Variants in ADAM22 observed in about 807,000 individuals in gnomAD.
ADAM22 encodes the protein disintegrin and metalloproteinase domain-containing protein 22.
A neutral mutation model predicts 144.6 loss-of-function variants in ADAM22; 65 were observed. The observed-to-expected ratio is 0.45, with a 90% CI of 0.37 to 0.55. The LOEUF is 0.55. Ranked by LOEUF, ADAM22 falls within the 20% of genes least tolerant of loss-of-function variation. The probability of loss-of-function intolerance (pLI) is 0.00; values close to 1 mark genes in which losing one functional copy is unlikely to be tolerated. For synonymous variants in ADAM22, 391 were observed against 412.6 expected (o/e 0.95, Z 0.63); for missense variants, 974 against 1,184.9 (o/e 0.82, Z 2.61).
chr7:87,965,682 A>G (rs559184077), intron 2 of ADAM22, among the ~76,000 whole-genome samples: 1 of 152,326 alleles, frequency 6.6e-6, no homozygotes, highest in Admixed American at 6.5e-5. Context: ...TAATGTCTAT[A>G]TAAGCAAATA....
chr7:88,150,896 T>G, intron 18 of ADAM22, 85 bp from the exon 19 acceptor site: 1 of 1,187,130 alleles, frequency 8.4e-7, no homozygotes, highest in South Asian at 1.3e-5. Context: ...AACAAATATG[T>G]TTTTAAAAGT....
chr7:88,111,482 C>G (rs1430985226), intron 5 of ADAM22, among the ~76,000 whole-genome samples: 6 of 151,832 alleles, frequency 4.0e-5, no homozygotes. Context: ...TGTTTGGAGT[C>G]AAAGGACTAA....
At chr7:88,118,645 A>G (rs1828434222) in intron 7 of ADAM22, among the ~76,000 whole-genome samples, 1 of 146,956 alleles carries the variant, frequency 6.8e-6, no homozygotes, top group African/African-American at 2.6e-5. Context: ...TTATATATCT[A>G]TCTATCTATC....
intron 3 of ADAM22, among the ~76,000 whole-genome samples, chr7:88,010,606 T>G (rs145870567): frequency 4.3e-4 from 65 of 152,276 alleles, no homozygotes; most frequent in African/African-American, 1.6e-3. Context: ...CTTTTCCAGC[T>G]CCTAGTGGGA....
In ADAM22 at chr7:88,113,578, C is replaced by A. The variant is rs561421966; in HGVS notation, c.474-1006C>A. On this transcript the variant is annotated intron_variant, in intron 5 of 31. Coordinates refer to ENST00000413139, the MANE Select transcript of ADAM22 (RefSeq NM_001324418.2). ...TGCCCACCTAGTATGGCCCCCAAGA[C>A]CCTCTGGCACCATTTATTGCCCTTC... Among the ~76,000 whole-genome samples, 12 of 148,236 alleles carry A rather than the reference C, an allele frequency of 8.1e-5. No homozygotes were observed. In the East Asian group the frequency reaches 2.4e-3, roughly 29 times the overall value.
intron 3 of ADAM22, among the ~76,000 whole-genome samples, chr7:88,070,196 C>G (rs773727817): frequency 3.2e-4 from 48 of 152,064 alleles, no homozygotes; most frequent in Non-Finnish European, 6.6e-4. Flanking sequence ...ATCCACAGAT[C>G]TTTTTGAGAT....
chr7:88,172,649 T>C (rs1223554760), intron 26 of ADAM22, among the ~76,000 whole-genome samples: 1 of 151,994 alleles, frequency 6.6e-6, no homozygotes, highest in Non-Finnish European at 1.5e-5. Context: ...TCTGTATAAA[T>C]ATATAGTGCC....
intron 3 of ADAM22, among the ~76,000 whole-genome samples, chr7:88,041,162 T>A (rs1289748505): frequency 6.6e-6 from 1 of 152,022 alleles, no homozygotes; most frequent in East Asian, 1.9e-4. Flanking sequence ...CTTTGCCATG[T>A]AACATTATAT....
chr7:88,181,376 C>A, intron 27 of ADAM22, 129 bp from the exon 28 acceptor site: 2 of 713,354 alleles, frequency 2.8e-6, no homozygotes, highest in Non-Finnish European at 4.6e-6. Flanking sequence ...TTCATTCTTT[C>A]ATTTCAGATT....
chr7:87,956,827 A>G (rs992790474), intron 2 of ADAM22, among the ~76,000 whole-genome samples: 2 of 152,338 alleles, frequency 1.3e-5, no homozygotes, highest in Admixed American at 6.5e-5. Flanking sequence ...TTTGATGGAC[A>G]TTTGAGTTAT....
rs11763430 is a variant in ADAM22, at chr7:88,068,427, C to T, written c.324-7199C>T. On this transcript the variant is annotated intron_variant, in intron 3 of 31. Coordinates refer to ENST00000413139, the MANE Select transcript of ADAM22 (RefSeq NM_001324418.2). ...TCGATTGTGAACTATGATCTGTGGG[C>T]TTCTTTTATTTTCACTGGTTGGATT... Among the ~76,000 whole-genome samples the T allele has an allele frequency of 9.7e-4, 147 of 152,098 alleles. 1 individual carries two copies. Among genetic ancestry groups the T allele is most frequent in the Non-Finnish European group, 1.6e-3 (109 of 67,990 alleles).
At chr7:87,973,640 T>C (rs1851083271) in intron 2 of ADAM22, among the ~76,000 whole-genome samples, 1 of 152,188 alleles carries the variant, frequency 6.6e-6, no homozygotes, top group Non-Finnish European at 1.5e-5. Flanking sequence ...CATGCACACG[T>C]ATGTTTATTG....
At chr7:88,001,892 A>G (rs867866270) in intron 3 of ADAM22, among the ~76,000 whole-genome samples, 22 of 152,040 alleles carry the variant, frequency 1.4e-4, no homozygotes, top group African/African-American at 5.1e-4. Context: ...TAAAAGACCC[A>G]GGCTTGAGTT....
At chr7:88,062,273 A>G (rs1192823052) in intron 3 of ADAM22, among the ~76,000 whole-genome samples, 3 of 152,142 alleles carry the variant, frequency 2.0e-5, no homozygotes, top group East Asian at 1.9e-4. Flanking sequence ...AGCCACCTTC[A>G]ATTGTCTTGT....
intron 14 of ADAM22, among the ~76,000 whole-genome samples, chr7:88,142,632 A>T (rs1020390332): frequency 5.3e-5 from 8 of 152,094 alleles, no homozygotes; most frequent in Admixed American, 2.0e-4. Context: ...AAGTCAGGAG[A>T]TCGAGACCAT....
chr7:87,962,620 CTT>C (rs77653493), intron 2 of ADAM22, among the ~76,000 whole-genome samples: 1 of 145,542 alleles, frequency 6.9e-6, no homozygotes, highest in Non-Finnish European at 1.5e-5. Flanking sequence ...ATTCTGTGGA[CTT>C]TTTTTTTTTT....
intron 3 of ADAM22, among the ~76,000 whole-genome samples, chr7:88,038,955 GT>G (rs1420775044): frequency 6.6e-6 from 1 of 151,582 alleles, no homozygotes; most frequent in Non-Finnish European, 1.5e-5. Flanking sequence ...TAATTTTTTA[GT>G]TTTTTGTAGA....
chr7:87,967,183 T>C (rs1296025814), intron 2 of ADAM22, among the ~76,000 whole-genome samples: 1 of 152,214 alleles, frequency 6.6e-6, no homozygotes, highest in Non-Finnish European at 1.5e-5. Context: ...CTTTCCTTTA[T>C]AAATTACCCA....
intron 3 of ADAM22, among the ~76,000 whole-genome samples, chr7:88,017,728 T>C (rs1796858998): frequency 6.6e-6 from 1 of 152,112 alleles, no homozygotes; most frequent in Admixed American, 6.5e-5. Context: ...TTTTATTAAT[T>C]TCTAGCTTTT....
Sources: gnomAD v4.1 joint callset for allele counts (sites outside exome capture counted in the v4.1 genomes callset) on GRCh38, gnomAD v4.1.1 for gene constraint, MANE v1.5 for transcripts, NCBI Gene and HGNC (gene_info 2026-07-23, HGNC 2026-07-21) for gene names.